Variants in PNPT1 observed in about 807,000 individuals in gnomAD.
PNPT1 encodes the protein polyribonucleotide nucleotidyltransferase 1, mitochondrial.
A neutral mutation model predicts 119.5 loss-of-function variants in PNPT1; 53 were observed. That is an observed-to-expected ratio of 0.44 (90% CI 0.36 to 0.56). PNPT1 has a LOEUF of 0.56. Ranked by LOEUF, PNPT1 falls within the 20% of genes least tolerant of loss-of-function variation. The pLI, the probability that PNPT1 is intolerant of heterozygous loss-of-function variation, is 0.00. For synonymous variants in PNPT1, 357 were observed against 322.1 expected (o/e 1.11, Z -1.16); for missense variants, 948 against 938.5 (o/e 1.01, Z -0.13).
At chr2:55,639,278 AAAT>A (rs1250812968) in intron 26 of PNPT1, among the ~76,000 whole-genome samples, 1 of 152,172 alleles carries the variant, frequency 6.6e-6, no homozygotes, top group African/African-American at 2.4e-5. Flanking sequence ...AAACTTTTCA[AAAT>A]AATAAGGTGA....
chr2:55,668,622 G>A (rs950628012), intron 11 of PNPT1, among the ~76,000 whole-genome samples: 12 of 150,198 alleles, frequency 8.0e-5, no homozygotes, highest in African/African-American at 1.7e-4. Context: ...TTTTTGAGAC[G>A]GAGTTTTGCT....
At chr2:55,642,680 T>C (rs1356328536) in intron 25 of PNPT1, among the ~76,000 whole-genome samples, 1 of 151,758 alleles carries the variant, frequency 6.6e-6, no homozygotes, top group East Asian at 1.9e-4. Flanking sequence ...ACTGCTACTT[T>C]AATTTTATAA....
Position 55,639,773 on chromosome 2 carries a change from T to C in PNPT1, c.2148+854A>G, listed in dbSNP as rs1024354019. On this transcript the variant is annotated intron_variant, in intron 26 of 27. Transcript: ENST00000447944. The stretch of plus-strand genomic sequence containing the variant: ...AAATTTTGTAAGTTTATTTACTTTT[T>C]TGGCTTTGATATCATGTTGAGGAGT... 2.0e-4 allele frequency among the ~76,000 whole-genome samples: 30 copies of C among 152,284 alleles called. 1 individual carries two copies. Among genetic ancestry groups the C allele is most frequent in the African/African-American group, 5.8e-4 (24 of 41,574 alleles).
chr2:55,645,556 C>T (rs1488669762), intron 21 of PNPT1, 124 bp from the exon 22 acceptor site: 3 of 581,484 alleles, frequency 5.2e-6, no homozygotes, highest in Non-Finnish European at 8.9e-6. Context: ...TTTCCACATC[C>T]CTATTACCTT....
chr2:55,683,832 G>A lies in PNPT1; in HGVS notation c.406C>T (p.Arg136Cys), dbSNP rs775717775. 6.8e-6 allele frequency: 11 copies of A among 1,613,204 alleles called. No individual in the cohort carries two copies. Among genetic ancestry groups the A allele is most frequent in the African/African-American group, 1.3e-5 (1 of 74,918 alleles). Residue 136 changes from arginine to cysteine, a missense_variant and splice_region_variant, in exon 5 of 28, where the codon CGT (arginine) becomes TGT (cysteine). Coordinates refer to ENST00000447944, the MANE Select transcript of PNPT1 (RefSeq NM_033109.5). ...KEILTSRIID[R>C]SIRPLFPAGY... ...GCTGGAAAGAGCGGTCTAATTGAAC[G>A]ATCTGCCAAAAGAAAAAAAAACACA... is the stretch of plus-strand genomic sequence containing the variant.
chr2:55,691,846 G>GTT (rs1380448885), intron 1 of PNPT1, among the ~76,000 whole-genome samples: 6 of 78,606 alleles, frequency 7.6e-5, no homozygotes, highest in East Asian at 4.5e-4. Flanking sequence ...AATTAAAAAT[G>GTT]TTTATATATA....
chr2:55,644,417 C>A (rs1329378513), intron 23 of PNPT1, among the ~76,000 whole-genome samples: 1 of 152,100 alleles, frequency 6.6e-6, no homozygotes, highest in Non-Finnish European at 1.5e-5. Context: ...CTGATGAATT[C>A]TTTGTAATCC....
At chr2:55,641,547 T>C (rs541115141) in intron 25 of PNPT1, among the ~76,000 whole-genome samples, 1 of 152,110 alleles carries the variant, frequency 6.6e-6, no homozygotes, top group Non-Finnish European at 1.5e-5. Flanking sequence ...TAGAATCTCA[T>C]ATGATTAACC....
At chr2:55,657,278 G>A (rs1696415326) in intron 15 of PNPT1, among the ~76,000 whole-genome samples, 2 of 151,688 alleles carry the variant, frequency 1.3e-5, no homozygotes, top group African/African-American at 4.8e-5. Context: ...GCAGTAAGCC[G>A]AGACTGCACC....
At position 55,646,306 on chromosome 2, in the gene PNPT1, G is replaced by A. The variant is rs1696002959; in HGVS notation, c.1691C>T (p.Pro564Leu). The change falls in exon 21 of 28, where the codon CCT (proline) becomes CTT (leucine). Residue 564 changes from proline to leucine, a missense_variant. Coordinates refer to ENST00000447944, the MANE Select transcript of PNPT1 (RefSeq NM_033109.5). ...ITALQADIKL[P>L]GIPIKIVMEA... ...CATCACAATTTTTATTGGTATTCCA[G>A]GTAATTTAATATCAGCCTAATATGG... 3 of 1,612,638 alleles carry A rather than the reference G, an allele frequency of 1.9e-6. No individual in the cohort carries two copies. Among genetic ancestry groups the A allele is most frequent in the Non-Finnish European group, 1.7e-6 (2 of 1,179,022 alleles).
intron 10 of PNPT1, among the ~76,000 whole-genome samples, chr2:55,671,759 G>A (rs531856201): frequency 4.6e-5 from 7 of 152,302 alleles, no homozygotes; most frequent in African/African-American, 7.2e-5. Flanking sequence ...GCTGGAAGGC[G>A]AAAGTTGCAG....
chr2:55,683,724 A>G, intron 5 of PNPT1, 61 bp downstream of exon 5: 2 of 1,430,822 alleles, frequency 1.4e-6, no homozygotes, highest in Non-Finnish European at 9.8e-7. Context: ...GAAATATTAC[A>G]GAGATTCATT....
chr2:55,642,349 G>A (rs1044545943), intron 25 of PNPT1, among the ~76,000 whole-genome samples: 1 of 151,456 alleles, frequency 6.6e-6, no homozygotes, highest in African/African-American at 2.4e-5. Context: ...GCTCAAGCCT[G>A]TAATCCCAGT....
At chr2:55,678,400 C>T (rs768542884) in intron 8 of PNPT1, among the ~76,000 whole-genome samples, 1 of 152,288 alleles carries the variant, frequency 6.6e-6, no homozygotes, top group South Asian at 2.1e-4. Context: ...CACTTGCAGT[C>T]GAGGCTATAG....
At chr2:55,646,712 T>G (rs894358142) in intron 19 of PNPT1, among the ~76,000 whole-genome samples, 1 of 152,224 alleles carries the variant, frequency 6.6e-6, no homozygotes, top group African/African-American at 2.4e-5. Context: ...CTTTCCCTCA[T>G]AAATGCCTGA....
In PNPT1 at chr2:55,671,988, T is replaced by C. The variant is rs1177233332; in HGVS notation, c.918+7A>G. 1 of 1,590,230 alleles carries C rather than the reference T, an allele frequency of 6.3e-7. No homozygotes were observed. The highest frequency in any genetic ancestry group is 2.3e-5 in the East Asian group (1 of 43,762). ...AATTATGGAAGACAAAACTCAGGTA[T>C]ACCTACTTTGTCATGCTCGTAATCT... On this transcript the variant is annotated splice_region_variant and intron_variant, in intron 10 of 27. Transcript: ENST00000447944.
At chr2:55,646,519 T>C (rs1295028082) in intron 19 of PNPT1, 33 bp from the exon 20 acceptor site, 4 of 1,548,088 alleles carry the variant, frequency 2.6e-6, no homozygotes, top group African/African-American at 1.4e-5. Flanking sequence ...GACATAGTTT[T>C]AAACAAAAAC....
chr2:55,636,053 TAAAC>T lies in PNPT1; in HGVS notation c.*180_*183del, dbSNP rs879476980. ...TCTTGATTTATAATGTAAATACAAT[TAAAC>T]AAATATGGGTTACTCGAATTAAAAA... On this transcript the variant is annotated 3_prime_UTR_variant, in exon 28 of 28. Transcript: ENST00000447944. 36 of 358,618 alleles carry T rather than the reference TAAAC, an allele frequency of 1.0e-4. No homozygotes were observed. The highest frequency in any genetic ancestry group is 2.9e-4 in the African/African-American group (14 of 47,630). The allele number at this position is 358,618 out of a possible 1,614,324, so 22.2% of individuals were successfully genotyped here. A position where few individuals can be genotyped will look rare whatever the true frequency, so the allele number is the denominator to read the frequency against.
chr2:55,692,898 T>C (rs1170708136), intron 1 of PNPT1, among the ~76,000 whole-genome samples: 1 of 152,158 alleles, frequency 6.6e-6, no homozygotes, highest in African/African-American at 2.4e-5. Flanking sequence ...GCCTGACCTT[T>C]TGCCATCTCT....
Sources: allele counts gnomAD v4.1 joint callset (sites outside exome capture counted in the v4.1 genomes callset), GRCh38; gene constraint gnomAD v4.1.1; transcripts MANE v1.5; gene names NCBI Gene and HGNC (gene_info 2026-07-23, HGNC 2026-07-21).